Variants in DPY19L1 observed in about 807,000 individuals in gnomAD.
DPY19L1 encodes dpy-19 like C-mannosyltransferase 1, also known as protein C-mannosyl-transferase DPY19L1.
DPY19L1 carries 35 observed loss-of-function variants against 96.9 expected under a neutral mutation model. The ratio of observed to expected loss-of-function variants is 0.36; its 90% CI spans 0.28 to 0.48. The LOEUF is 0.48. Among genes scored for constraint, DPY19L1 ranks in the 20% least tolerant of loss-of-function variants. The pLI is 0.99. For missense variants in DPY19L1, 521 were observed against 777.9 expected, an observed-to-expected ratio of 0.67 and a Z score of 3.93; for synonymous variants, 205 against 252.6, an observed-to-expected ratio of 0.81 and a Z score of 1.79.
intron 3 of DPY19L1, among the ~76,000 whole-genome samples, chr7:35,016,797 G>C (rs1405316984): frequency 6.6e-6 from 1 of 152,168 alleles, no homozygotes; most frequent in Non-Finnish European, 1.5e-5. Flanking sequence ...GGAAACTTGG[G>C]ATACAGGAAC....
rs1168705725 is a variant in DPY19L1 at position 34,960,802 on chromosome 7, A to T, written c.1093-2732T>A. ...CTATTTTTACTTGATTATGGTCTTAAACACCAAAAATAGATGTTGACTTTT... is the reference window on the plus strand; with the variant it reads ...CTATTTTTACTTGATTATGGTCTTATACACCAAAAATAGATGTTGACTTTT... On this transcript the variant is annotated intron_variant, in intron 10 of 21. Coordinates refer to ENST00000638088, the MANE Select transcript of DPY19L1 (RefSeq NM_001366673.1). Among the ~76,000 whole-genome samples the T allele has an allele frequency of 2.6e-5, 4 of 152,270 alleles. No individual in the cohort carries two copies. The East Asian group carries it at 7.7e-4, about 29-fold the overall frequency.
intron 6 of DPY19L1, among the ~76,000 whole-genome samples, chr7:35,007,613 A>G (rs1258679947): frequency 1.2e-3 from 188 of 151,834 alleles, no homozygotes; most frequent in African/African-American, 4.4e-3. Context: ...GTGTGTGTAT[A>G]TATATATTTA....
At chr7:35,018,639 A>T in intron 1 of DPY19L1, 43 bp from the exon 2 acceptor site, 1 of 1,552,072 alleles carries the variant, frequency 6.4e-7, no homozygotes, top group Non-Finnish European at 8.9e-7. Context: ...TAGCATAAAC[A>T]TGTTCATCTT....
intron 6 of DPY19L1, among the ~76,000 whole-genome samples, chr7:34,992,680 G>C (rs1424743657): frequency 1.3e-5 from 2 of 151,680 alleles, no homozygotes; most frequent in African/African-American, 2.4e-5. Flanking sequence ...CAGAGTAGCT[G>C]AAACTACAGG....
At chr7:34,967,036 T>C (rs960071781) in intron 9 of DPY19L1, 65 bp from the exon 10 acceptor site, 24 of 1,226,218 alleles carry the variant, frequency 2.0e-5, no homozygotes, top group African/African-American at 3.2e-5. Flanking sequence ...ATGAAGAATA[T>C]ATTTACTGTT....
intron 19 of DPY19L1, 130 bp from the exon 20 acceptor site, chr7:34,939,505 T>C: frequency 1.6e-6 from 1 of 644,476 alleles, no homozygotes; most frequent in Non-Finnish European, 2.6e-6. Context: ...CAAGATTCAA[T>C]GGCAGAACTA....
intron 5 of DPY19L1, 36 bp downstream of exon 5, chr7:35,011,294 A>G (rs1380727016): frequency 1.2e-6 from 2 of 1,605,888 alleles, no homozygotes; most frequent in East Asian, 4.5e-5. Flanking sequence ...TTATGTTACA[A>G]CAGATAACTG....
At chr7:34,953,458 C>T (rs186466157) in intron 13 of DPY19L1, among the ~76,000 whole-genome samples, 25 of 152,220 alleles carry the variant, frequency 1.6e-4, no homozygotes, top group Non-Finnish European at 2.8e-4. Flanking sequence ...TTCCTGATCA[C>T]GCTCTGCATA....
intron 7 of DPY19L1, among the ~76,000 whole-genome samples, chr7:34,988,790 T>G (rs1427585426): frequency 6.6e-6 from 1 of 152,216 alleles, no homozygotes; most frequent in Non-Finnish European, 1.5e-5. Context: ...AGAAATTCAT[T>G]TACAACTATG....
intron 1 of DPY19L1, among the ~76,000 whole-genome samples, chr7:35,028,269 G>A (rs1168368559): frequency 6.6e-6 from 1 of 152,162 alleles, no homozygotes; most frequent in Non-Finnish European, 1.5e-5. Context: ...CTAGCACACA[G>A]GAGGAAATGC....
At chr7:34,986,020 T>C (rs1785039492) in intron 7 of DPY19L1, among the ~76,000 whole-genome samples, 1 of 151,994 alleles carries the variant, frequency 6.6e-6, no homozygotes, top group Non-Finnish European at 1.5e-5. Flanking sequence ...TGAATGGAAC[T>C]GACAGAGATA....
intron 6 of DPY19L1, among the ~76,000 whole-genome samples, chr7:35,003,787 A>G (rs1417290065): frequency 6.6e-6 from 1 of 152,246 alleles, no homozygotes; most frequent in Non-Finnish European, 1.5e-5. Flanking sequence ...CTCACAGGGA[A>G]AAGAAGCCCT....
At chr7:34,963,352 T>A (rs983130043) in intron 10 of DPY19L1, among the ~76,000 whole-genome samples, 1 of 152,144 alleles carries the variant, frequency 6.6e-6, no homozygotes, top group Non-Finnish European at 1.5e-5. Context: ...GGTGATTACA[T>A]GGAGAAAATA....
intron 8 of DPY19L1, among the ~76,000 whole-genome samples, chr7:34,972,287 C>T (rs1228195206): frequency 6.6e-6 from 1 of 152,162 alleles, no homozygotes; most frequent in African/African-American, 2.4e-5. Context: ...GATAGTAGAT[C>T]CCAGTTTGTG....
intron 7 of DPY19L1, among the ~76,000 whole-genome samples, chr7:34,974,716 T>C (rs1271683086): frequency 1.3e-5 from 2 of 152,318 alleles, no homozygotes; most frequent in Middle Eastern, 3.4e-3. Context: ...CTACATTTCA[T>C]TGCCCTTTAC....
At chr7:34,941,730 T>C in intron 18 of DPY19L1, 35 bp downstream of exon 18, 1 of 1,593,592 alleles carries the variant, frequency 6.3e-7, no homozygotes, top group South Asian at 1.2e-5. Flanking sequence ...AGGCTAAAAT[T>C]ATCATAGTAG....
Position 34,963,632 on chromosome 7 carries a change from T to C in DPY19L1, c.1092+3262A>G, listed in dbSNP as rs552670181. ...TCGTGTGTGTGTGTGTGTGCGTGTGTGCACACGTGTGTACACACAATGGAA... is the reference window on the plus strand; with the variant it reads ...TCGTGTGTGTGTGTGTGTGCGTGTGCGCACACGTGTGTACACACAATGGAA... On this transcript the variant is annotated intron_variant, in intron 10 of 21. Coordinates refer to ENST00000638088, the MANE Select transcript of DPY19L1 (RefSeq NM_001366673.1). Among the ~76,000 whole-genome samples, 55 of 152,180 alleles carry C rather than the reference T, an allele frequency of 3.6e-4. No homozygotes were observed. In the South Asian group the frequency reaches 4.6e-3, roughly 13 times the overall value.
Position 35,009,955 on chromosome 7 carries a change from C to T in DPY19L1, c.764+513G>A, listed in dbSNP as rs1025015602. ...ATGAATATTCAAAATTTATGCCAGG[C>T]ACTGTGGCTCATGCCTGTAATCCCA... On this transcript the variant is annotated intron_variant, in intron 6 of 21. Coordinates refer to ENST00000638088, the MANE Select transcript of DPY19L1 (RefSeq NM_001366673.1). 1.1e-4 allele frequency among the ~76,000 whole-genome samples: 17 copies of T among 152,212 alleles called. No homozygotes were observed. In the South Asian group the frequency reaches 1.5e-3, roughly 13 times the overall value.
At chr7:34,989,985 C>A (rs777201535) in intron 6 of DPY19L1, 44 bp from the exon 7 acceptor site, 2 of 1,549,650 alleles carry the variant, frequency 1.3e-6, no homozygotes, top group Admixed American at 1.9e-5. Context: ...AAATTCAGGT[C>A]AATCCTAAGA....
Sources: gnomAD v4.1 joint callset for allele counts (sites outside exome capture counted in the v4.1 genomes callset) on GRCh38, gnomAD v4.1.1 for gene constraint, MANE v1.5 for transcripts, NCBI Gene and HGNC (gene_info 2026-07-23, HGNC 2026-07-21) for gene names.